The following ZCCHC17 variants were observed in gnomAD, a reference collection of about 807,000 sequenced individuals.
The protein encoded by ZCCHC17 is zinc finger CCHC domain-containing protein 17.
In ZCCHC17, 18 loss-of-function variants were observed where a neutral mutation model predicts 30.6. That is an observed-to-expected ratio of 0.59 (90% confidence interval 0.41 to 0.87). The LOEUF is 0.87. Among genes scored for constraint, ZCCHC17 ranks in the 40% least tolerant of loss-of-function variants. ZCCHC17 has a pLI of 0.00. For missense variants in ZCCHC17, 263 were observed against 284.2 expected, an observed-to-expected ratio of 0.93 and a Z score of 0.54; for synonymous variants, 88 against 92.4, an observed-to-expected ratio of 0.95 and a Z score of 0.27.
intron 1 of ZCCHC17, among the ~76,000 whole-genome samples, chr1:31,301,411 T>G (rs1418653743): frequency 7.9e-5 from 12 of 152,232 alleles, no homozygotes; most frequent in Non-Finnish European, 1.6e-4. Context: ...GTCCTCATTT[T>G]TAAAATGGCA....
intron 2 of ZCCHC17, among the ~76,000 whole-genome samples, chr1:31,312,460 G>A (rs1481210585): frequency 6.6e-6 from 1 of 150,972 alleles, no homozygotes; most frequent in East Asian, 2.0e-4. Context: ...TGTTTCAAGA[G>A]CAGAGGCTTT....
In ZCCHC17 at chr1:31,316,180, C is replaced by T. The variant is rs112755072; in HGVS notation, c.67-2929C>T. Among the ~76,000 whole-genome samples, 306 of 152,326 alleles carry T rather than the reference C, an allele frequency of 2.0e-3. 1 individual carries two copies. The highest frequency in any genetic ancestry group is 7.2e-3 in the African/African-American group (300 of 41,570). ...GCAGTAGCATGATCTTGGCTCACTGCAACCATGACCTCCTGTGTTCAAACG... is the reference window on the plus strand; with the variant it reads ...GCAGTAGCATGATCTTGGCTCACTGTAACCATGACCTCCTGTGTTCAAACG... On this transcript the variant is annotated intron_variant, in intron 2 of 7. Coordinates refer to ENST00000344147, the MANE Select transcript of ZCCHC17 (RefSeq NM_016505.4).
At chr1:31,361,758 T>C (rs552449217) in intron 7 of ZCCHC17, among the ~76,000 whole-genome samples, 1 of 152,216 alleles carries the variant, frequency 6.6e-6, no homozygotes, top group East Asian at 1.9e-4. Flanking sequence ...CTTGTCACCA[T>C]AGGTGTTTTT....
Position 31,364,326 on chromosome 1 carries a change from C to T in ZCCHC17, c.*133C>T, listed in dbSNP as rs1640050091. 2 of 1,416,628 alleles carry T rather than the reference C, an allele frequency of 1.4e-6. No homozygotes were observed. The highest frequency in any genetic ancestry group is 1.7e-5 in the South Asian group (1 of 60,340). 87.8% of individuals were successfully genotyped at this position (1,416,628 alleles called of 1,614,324 possible). A position where few individuals can be genotyped will look rare whatever the true frequency, so the allele number is the denominator to read the frequency against. Reference sequence around the variant, plus strand: ...CTTCGCTCCCATGGGAGATGGCTTCCCCTCATGCAACAGGCAGGTTTGGGA... The same window carrying T: ...CTTCGCTCCCATGGGAGATGGCTTCTCCTCATGCAACAGGCAGGTTTGGGA... On this transcript the variant is annotated 3_prime_UTR_variant, in exon 8 of 8. Coordinates refer to ENST00000344147, the MANE Select transcript of ZCCHC17 (RefSeq NM_016505.4).
At chr1:31,334,319 C>T (rs1257637153) in intron 3 of ZCCHC17, among the ~76,000 whole-genome samples, 1 of 57,754 alleles carries the variant, frequency 1.7e-5, no homozygotes, top group East Asian at 9.1e-4. Context: ...CTCTCTCTCT[C>T]TCTCTCTCTC....
At chr1:31,351,856 C>T (rs993739391) in intron 7 of ZCCHC17, among the ~76,000 whole-genome samples, 6 of 152,202 alleles carry the variant, frequency 3.9e-5, no homozygotes, top group African/African-American at 1.4e-4. Context: ...GAATCTCATC[C>T]TGTCCTATGG....
intron 3 of ZCCHC17, among the ~76,000 whole-genome samples, chr1:31,321,511 A>G (rs906168123): frequency 4.6e-5 from 7 of 152,096 alleles, no homozygotes; most frequent in Admixed American, 3.3e-4. Context: ...GTCTTGCTCT[A>G]TTGCCCAGGC....
intron 1 of ZCCHC17, among the ~76,000 whole-genome samples, chr1:31,298,131 G>C (rs559955230): frequency 6.6e-5 from 10 of 152,288 alleles, no homozygotes; most frequent in South Asian, 6.2e-4. Context: ...CAGTAATCCT[G>C]GTCAGAGATG....
intron 1 of ZCCHC17, among the ~76,000 whole-genome samples, chr1:31,306,785 A>T (rs755236589): frequency 6.6e-6 from 1 of 152,154 alleles, no homozygotes; most frequent in Non-Finnish European, 1.5e-5. Flanking sequence ...CTCTTGCTTC[A>T]GCCTCCCAAG....
Position 31,320,482 on chromosome 1 carries a change from T to C in ZCCHC17, c.124+1316T>C, listed in dbSNP as rs369808727. On this transcript the variant is annotated intron_variant, in intron 3 of 7. Coordinates refer to ENST00000344147, the MANE Select transcript of ZCCHC17 (RefSeq NM_016505.4). ...CTATTAGCCATCACTCCAGATTCTC[T>C]CTATGCCCCCAGCTTTAGGCAATCA... 4.6e-5 allele frequency among the ~76,000 whole-genome samples: 7 copies of C among 152,342 alleles called. No individual in the cohort carries two copies. The East Asian group carries it at 1.2e-3, about 25-fold the overall frequency.
intron 3 of ZCCHC17, among the ~76,000 whole-genome samples, chr1:31,329,764 C>T (rs1638506651): frequency 6.6e-6 from 1 of 152,186 alleles, no homozygotes; most frequent in Admixed American, 6.5e-5. Flanking sequence ...ATTATAGCCT[C>T]AGTTCTACCA....
At chr1:31,302,503 T>C (rs1409585287) in intron 1 of ZCCHC17, among the ~76,000 whole-genome samples, 1 of 152,212 alleles carries the variant, frequency 6.6e-6, no homozygotes, top group Non-Finnish European at 1.5e-5. Context: ...AGCTCTTCCA[T>C]GAATGATATC....
chr1:31,356,977 T>C (rs1314897257), intron 7 of ZCCHC17, among the ~76,000 whole-genome samples: 1 of 152,252 alleles, frequency 6.6e-6, no homozygotes, highest in African/African-American at 2.4e-5. Flanking sequence ...TGGTCTGTGC[T>C]TTACTGGCCT....
At chr1:31,298,377 G>GT (rs59616986) in intron 1 of ZCCHC17, among the ~76,000 whole-genome samples, 2,284 of 145,100 alleles carry the variant, frequency 0.016, 42 homozygotes, top group African/African-American at 0.044. Context: ...TTAGAGACCA[G>GT]TTTTTTTTTG....
chr1:31,297,437 G>T (rs529526883), intron 1 of ZCCHC17, among the ~76,000 whole-genome samples: 2 of 152,294 alleles, frequency 1.3e-5, no homozygotes, highest in Admixed American at 6.5e-5. Flanking sequence ...TTTTGATCAG[G>T]GCCTACTGTA....
At chr1:31,360,950 T>G (rs1470723501) in intron 7 of ZCCHC17, among the ~76,000 whole-genome samples, 3 of 152,216 alleles carry the variant, frequency 2.0e-5, no homozygotes, top group Admixed American at 2.0e-4. Context: ...ATTATTACTC[T>G]CCTCACTTCT....
chr1:31,339,996 G>A (rs554016369), intron 5 of ZCCHC17, among the ~76,000 whole-genome samples: 5 of 128,592 alleles, frequency 3.9e-5, no homozygotes, highest in South Asian at 2.5e-4. Context: ...AGATGGGGTC[G>A]CCCAGGTTGG....
At chr1:31,348,756 T>C (rs1639363545) in intron 6 of ZCCHC17, 73 bp from the exon 7 acceptor site, 3 of 1,576,500 alleles carry the variant, frequency 1.9e-6, no homozygotes, top group Non-Finnish European at 8.7e-7. Flanking sequence ...TTCAGGAGAC[T>C]TGGGGAAAGA....
At chr1:31,337,784 A>G (rs540456318) in intron 4 of ZCCHC17, among the ~76,000 whole-genome samples, 2 of 152,134 alleles carry the variant, frequency 1.3e-5, no homozygotes, top group South Asian at 4.1e-4. Context: ...TGGGCCGACC[A>G]CAGGAGAAAT....
Sources: allele counts gnomAD v4.1 joint callset (sites outside exome capture counted in the v4.1 genomes callset), GRCh38; gene constraint gnomAD v4.1.1; transcripts MANE v1.5; gene names NCBI Gene and HGNC (gene_info 2026-07-23, HGNC 2026-07-21).